Variants in P2RX5 observed in about 807,000 individuals in gnomAD.
The protein encoded by P2RX5 is purinergic receptor P2X 5.
A neutral mutation model predicts 54.1 loss-of-function variants in P2RX5; 46 were observed. The ratio of observed to expected loss-of-function variants is 0.85; its 90% CI spans 0.67 to 1.09. P2RX5 has a LOEUF of 1.09. Among genes scored for constraint, P2RX5 ranks in the 50% least tolerant of loss-of-function variants. The probability of loss-of-function intolerance (pLI) is 0.00; values close to 1 mark genes in which losing one functional copy is unlikely to be tolerated. For missense variants in P2RX5, 566 were observed against 549.8 expected, an observed-to-expected ratio of 1.03 and a Z score of -0.29; for synonymous variants, 226 against 226.4, an observed-to-expected ratio of 1.00 and a Z score of 0.02.
rs138100227 is a variant in P2RX5, at chr17:3,679,757, G to C, written c.1092C>G (p.Ala364=). 1.9e-6 allele frequency: 3 copies of C among 1,611,330 alleles called. No homozygotes were observed. The highest frequency in any genetic ancestry group is 1.7e-5 in the Admixed American group (1 of 59,964). Residue 364 remains alanine, a synonymous_variant, in exon 11 of 12, where the codon GCC becomes GCG. Coordinates refer to ENST00000225328, the MANE Select transcript of P2RX5 (RefSeq NM_002561.4). Reference sequence around the variant, plus strand: ...GCCCCAGCCCCGATGCCTCGTCCTCGGCCTCCTGGGAACTGTCTTCTAGGC... The same window carrying C: ...GCCCCAGCCCCGATGCCTCGTCCTCCGCCTCCTGGGAACTGTCTTCTAGGC... ...VRGLEDSSQE[A]EDEASGLGLS...
At chr17:3,716,092 T>C in the P2RX5 span, among the ~76,000 whole-genome samples, 79,906 of 136,616 alleles carry the variant, frequency 0.58, 22,013 homozygotes, top group African/African-American at 0.69. Flanking sequence ...GGGGTCAGGG[T>C]GGGGGGAAGG....
chr17:3,674,653 G>A (rs2050060384), intron 11 of P2RX5, among the ~76,000 whole-genome samples: 1 of 152,196 alleles, frequency 6.6e-6, no homozygotes. Flanking sequence ...ACCAAACCTG[G>A]CTCCTGTCTG....
chr17:3,673,707 G>C lies in P2RX5; in HGVS notation c.*161C>G, dbSNP rs2050034118. ...GATGACCCCAGCATCAGACGTGGAG[G>C]TCACTTTGCTCTGTGATGGCTGGTC... On this transcript the variant is annotated 3_prime_UTR_variant, in exon 12 of 12. Coordinates refer to ENST00000225328, the MANE Select transcript of P2RX5 (RefSeq NM_002561.4). The C allele has an allele frequency of 6.4e-7, 1 of 1,574,762 alleles. No homozygotes were observed. Among genetic ancestry groups the C allele is most frequent in the Non-Finnish European group, 8.6e-7 (1 of 1,160,952 alleles).
chr17:3,723,802 C>T, the P2RX5 span: 13 of 1,589,116 alleles, frequency 8.2e-6, no homozygotes, highest in Non-Finnish European at 1.1e-5. Context: ...AGTTTTCCGT[C>T]CCGTCCCGGC....
chr17:3,689,736 C>T (rs1310615161), intron 6 of P2RX5, 106 bp from the exon 7 acceptor site: 21 of 1,421,424 alleles, frequency 1.5e-5, no homozygotes, highest in East Asian at 2.3e-5. Context: ...GACAGCTCCC[C>T]GCAGCAACAC....
At chr17:3,720,810 T>C in the P2RX5 span, among the ~76,000 whole-genome samples, 2 of 152,190 alleles carry the variant, frequency 1.3e-5, no homozygotes, top group African/African-American at 4.8e-5. Context: ...CTCGAACTCC[T>C]GACCTCAGAT....
At chr17:3,690,329 C>T (rs377733630) in intron 5 of P2RX5, 98 bp downstream of exon 5, 18 of 1,157,372 alleles carry the variant, frequency 1.6e-5, no homozygotes, top group African/African-American at 4.6e-5. Context: ...CCTCCCTCAG[C>T]GTGAGGCTCC....
At chr17:3,690,016 G>C in intron 6 of P2RX5, 54 bp downstream of exon 6, 2 of 1,493,974 alleles carry the variant, frequency 1.3e-6, no homozygotes, top group East Asian at 4.5e-5. Flanking sequence ...GGCCAGCCAA[G>C]GCCCCTCATC....
the P2RX5 span, among the ~76,000 whole-genome samples, chr17:3,706,143 C>T: frequency 1.1e-4 from 16 of 151,890 alleles, no homozygotes; most frequent in South Asian, 2.1e-4. Flanking sequence ...TTAGTAGAGA[C>T]GGGGTTTCAT....
chr17:3,679,535 G>A, intron 11 of P2RX5, 55 bp downstream of exon 11: 1 of 1,548,556 alleles, frequency 6.5e-7, no homozygotes, highest in Non-Finnish European at 8.8e-7. Context: ...CCCCAACTGG[G>A]GACCCCTCTC....
the P2RX5 span, among the ~76,000 whole-genome samples, chr17:3,718,581 CTG>C: frequency 6.6e-6 from 1 of 152,186 alleles, no homozygotes; most frequent in Non-Finnish European, 1.5e-5. Flanking sequence ...CATAGAGTCA[CTG>C]TAAGTCAGGG....
the P2RX5 span, among the ~76,000 whole-genome samples, chr17:3,719,856 T>C: frequency 1.4e-4 from 22 of 152,144 alleles, no homozygotes; most frequent in East Asian, 2.5e-3. Context: ...GCCTCCCAAG[T>C]AGGTGGGATT....
At chr17:3,683,347 C>G (rs1407912926) in intron 9 of P2RX5, among the ~76,000 whole-genome samples, 6 of 152,234 alleles carry the variant, frequency 3.9e-5, no homozygotes, top group African/African-American at 1.2e-4. Context: ...CAACCCCAAA[C>G]CTAACCTTGA....
intron 9 of P2RX5, among the ~76,000 whole-genome samples, chr17:3,685,276 A>G (rs1050464085): frequency 6.6e-6 from 1 of 152,184 alleles, no homozygotes; most frequent in Non-Finnish European, 1.5e-5. Context: ...CTGCAGAGCT[A>G]CCAGCACATG....
chr17:3,705,449 C>T, the P2RX5 span, among the ~76,000 whole-genome samples: 6 of 152,174 alleles, frequency 3.9e-5, no homozygotes, highest in East Asian at 1.2e-3. Context: ...GATCTCTCCT[C>T]TGTTCTTCAT....
At chr17:3,679,944 A>G (rs955082083) in intron 10 of P2RX5, among the ~76,000 whole-genome samples, 160 bp from the exon 11 acceptor site, 6 of 150,558 alleles carry the variant, frequency 4.0e-5, no homozygotes, top group African/African-American at 1.5e-4. Flanking sequence ...GGCTCCCTCC[A>G]CCCTGCATCC....
intron 9 of P2RX5, among the ~76,000 whole-genome samples, chr17:3,684,640 TC>T (rs2050382822): frequency 1.4e-5 from 2 of 139,948 alleles, no homozygotes; most frequent in Admixed American, 1.5e-4. Context: ...AAATATAGTA[TC>T]GACCAGAAAA....
the P2RX5 span, among the ~76,000 whole-genome samples, chr17:3,704,414 G>A: frequency 2.0e-5 from 3 of 152,160 alleles, no homozygotes; most frequent in Non-Finnish European, 2.9e-5. Context: ...AAGGCAACTC[G>A]CCCTTTTCCT....
At chr17:3,689,659 A>G in intron 6 of P2RX5, 29 bp from the exon 7 acceptor site, 18 of 1,613,910 alleles carry the variant, frequency 1.1e-5, no homozygotes, top group Non-Finnish European at 1.5e-5. Flanking sequence ...CAGCCGAGAA[A>G]TGAAGTAAGA....
Sources: allele counts gnomAD v4.1 joint callset (sites outside exome capture counted in the v4.1 genomes callset), GRCh38; gene constraint gnomAD v4.1.1; transcripts MANE v1.5; gene names NCBI Gene and HGNC (gene_info 2026-07-23, HGNC 2026-07-21).